THSD7B: variants seen among roughly 807,000 people sequenced by gnomAD.
THSD7B encodes thrombospondin type 1 domain containing 7B.
In THSD7B, 138 loss-of-function variants were observed where a neutral mutation model predicts 213.6. That is an observed-to-expected ratio of 0.65 (90% CI 0.56 to 0.74). The LOEUF (loss-of-function observed/expected upper bound fraction) is 0.74, where lower values mean the gene tolerates loss of function less well. Ranked by LOEUF, THSD7B falls within the 30% of genes least tolerant of loss-of-function variation. The pLI, the probability that THSD7B is intolerant of heterozygous loss-of-function variation, is 0.00. For missense variants in THSD7B, 1,931 were observed against 1,991.5 expected (o/e 0.97, Z 0.58); for synonymous variants, 742 against 687.0 (o/e 1.08, Z -1.25).
chr2:137,323,125 G>A (rs1453301), intron 12 of THSD7B, among the ~76,000 whole-genome samples: 25,354 of 152,206 alleles, frequency 0.17, 2,296 homozygotes, highest in South Asian at 0.32. Flanking sequence ...CAAGGAGGCT[G>A]TGATGGATCA....
In THSD7B at chr2:137,032,661, A is replaced by G. The variant is rs569726144; in HGVS notation, c.140-23759A>G. Among the ~76,000 whole-genome samples, 3 of 152,328 alleles carry G rather than the reference A, an allele frequency of 2.0e-5. No homozygotes were observed. The East Asian group carries it at 5.8e-4, about 29-fold the overall frequency. On this transcript the variant is annotated intron_variant, in intron 2 of 27. Coordinates refer to ENST00000409968, the MANE Select transcript of THSD7B (RefSeq NM_001316349.2). ...CCCTAGTTGGCTTCAAATCCTGATA[A>G]TGATAAACCTGAGGTGCTCCTCTAT...
At chr2:137,205,043 T>A (rs878908343) in intron 7 of THSD7B, among the ~76,000 whole-genome samples, 2 of 152,040 alleles carry the variant, frequency 1.3e-5, no homozygotes, top group Admixed American at 1.3e-4. Context: ...TTTTCTTCTG[T>A]CTACCACACT....
At chr2:137,345,790 A>T (rs1403112399) in intron 12 of THSD7B, among the ~76,000 whole-genome samples, 1 of 151,652 alleles carries the variant, frequency 6.6e-6, no homozygotes, top group African/African-American at 2.4e-5. Flanking sequence ...CAACTTTAGG[A>T]TGTGAGCAAT....
chr2:136,806,304 C>T (rs892567363), intron 1 of THSD7B, among the ~76,000 whole-genome samples: 2 of 152,212 alleles, frequency 1.3e-5, no homozygotes, highest in African/African-American at 4.8e-5. Context: ...TTGAATTCCA[C>T]CTTCCCAACT....
chr2:137,066,878 A>C (rs12691904), intron 3 of THSD7B, among the ~76,000 whole-genome samples: 40,253 of 151,954 alleles, frequency 0.26, 7,075 homozygotes, highest in African/African-American at 0.5. Flanking sequence ...ATAGTCTTTT[A>C]AGTCTTTTTT....
chr2:136,807,509 G>GTTTTTTTCTT (rs1553449764), intron 1 of THSD7B, among the ~76,000 whole-genome samples: 6 of 104,894 alleles, frequency 5.7e-5, no homozygotes, highest in Admixed American at 1.1e-4. Context: ...AAAATGTTTC[G>GTTTTTTTCTT]TTTTTTTTTT....
rs775176984 is a variant in THSD7B, at chr2:137,563,365, A to G, written c.3272+11A>G. On this transcript the variant is annotated intron_variant, in intron 16 of 27. Transcript: ENST00000409968. ...ATCTAGGAAAATCAGGTGTGTGAAA[A>G]TGGAGAGATTTGGGAAATAGGGGGA... is the stretch of plus-strand genomic sequence containing the variant. 1.7e-5 allele frequency: 28 copies of G among 1,611,938 alleles called. No homozygotes were observed. The East Asian group carries it at 4.0e-4, about 23-fold the overall frequency.
intron 15 of THSD7B, among the ~76,000 whole-genome samples, chr2:137,561,264 A>G (rs1378281959): frequency 6.6e-6 from 1 of 152,178 alleles, no homozygotes; most frequent in Non-Finnish European, 1.5e-5. Context: ...CCAAAGGTAC[A>G]TGCAACTAAA....
chr2:137,675,980 C>T (rs1343570184), intron 27 of THSD7B, among the ~76,000 whole-genome samples: 1 of 152,178 alleles, frequency 6.6e-6, no homozygotes, highest in Non-Finnish European at 1.5e-5. Flanking sequence ...GAAAAGCAGC[C>T]TTCTCTGACC....
At chr2:137,345,946 C>T (rs1684866430) in intron 12 of THSD7B, among the ~76,000 whole-genome samples, 1 of 151,524 alleles carries the variant, frequency 6.6e-6, no homozygotes, top group Non-Finnish European at 1.5e-5. Context: ...ACTTTGATGA[C>T]ATGTCAAGGT....
intron 15 of THSD7B, among the ~76,000 whole-genome samples, chr2:137,551,630 A>T (rs528076838): frequency 6.6e-6 from 1 of 152,226 alleles, no homozygotes; most frequent in East Asian, 1.9e-4. Context: ...AAATTTATTT[A>T]TCAATACATT....
chr2:137,277,241 T>C (rs1225178346), intron 12 of THSD7B, among the ~76,000 whole-genome samples: 1 of 152,074 alleles, frequency 6.6e-6, no homozygotes, highest in African/African-American at 2.4e-5. Flanking sequence ...TGTATGTAAA[T>C]GATGTAAAAT....
intron 15 of THSD7B, among the ~76,000 whole-genome samples, chr2:137,507,253 G>C (rs1397134531): frequency 6.6e-6 from 1 of 152,162 alleles, no homozygotes; most frequent in African/African-American, 2.4e-5. Context: ...ACAGAAAATA[G>C]AGCCACCTTA....
Position 136,951,582 on chromosome 2 carries a change from A to G in THSD7B, c.139+69265A>G, listed in dbSNP as rs1685039587. 2.0e-5 allele frequency among the ~76,000 whole-genome samples: 3 copies of G among 152,216 alleles called. No homozygotes were observed. In the South Asian group the frequency reaches 6.2e-4, roughly 32 times the overall value. On this transcript the variant is annotated intron_variant, in intron 2 of 27. Transcript: ENST00000409968. ...CAAAAGGAGAGGAGAATAGTGATTT[A>G]AAAATTTTCTCACTCCAGCTTTCTT...
At chr2:136,926,321 C>G (rs1238768861) in intron 2 of THSD7B, among the ~76,000 whole-genome samples, 1 of 151,826 alleles carries the variant, frequency 6.6e-6, no homozygotes, top group Non-Finnish European at 1.5e-5. Flanking sequence ...TCTGGCCTTC[C>G]TCTTCATCTA....
chr2:136,939,966 T>G (rs1489759012), intron 2 of THSD7B, among the ~76,000 whole-genome samples: 1 of 152,172 alleles, frequency 6.6e-6, no homozygotes, highest in African/African-American at 2.4e-5. Context: ...GTGCAGCACT[T>G]TTTAACATGT....
intron 2 of THSD7B, among the ~76,000 whole-genome samples, chr2:136,975,638 CT>C (rs1685468621): frequency 1.3e-5 from 2 of 152,018 alleles, no homozygotes; most frequent in African/African-American, 4.8e-5. Context: ...TGGCTTTGTT[CT>C]TTTTTCTTAA....
intron 1 of THSD7B, among the ~76,000 whole-genome samples, chr2:136,870,250 T>C (rs1014688648): frequency 7.9e-5 from 12 of 152,344 alleles, no homozygotes; most frequent in African/African-American, 2.6e-4. Flanking sequence ...TTTTCAGTAG[T>C]TGGATTTTTC....
chr2:137,262,200 T>G (rs16838493), intron 10 of THSD7B, among the ~76,000 whole-genome samples: 4,116 of 152,268 alleles, frequency 0.027, 108 homozygotes, highest in Middle Eastern at 0.095. Context: ...TTTTAAAGCA[T>G]TTTTCAGATA....
Sources: gnomAD v4.1 joint callset for allele counts (sites outside exome capture counted in the v4.1 genomes callset) on GRCh38, gnomAD v4.1.1 for gene constraint, MANE v1.5 for transcripts, NCBI Gene and HGNC (gene_info 2026-07-23, HGNC 2026-07-21) for gene names.